The following ATP2A2 variants were observed in gnomAD, a reference collection of about 807,000 sequenced individuals.
The protein encoded by ATP2A2 is sarcoplasmic/endoplasmic reticulum calcium ATPase 2.
A neutral mutation model predicts 109.3 loss-of-function variants in ATP2A2; 14 were observed. That is an observed-to-expected ratio of 0.13 (90% CI 0.08 to 0.20). The LOEUF is 0.20. Among genes scored for constraint, ATP2A2 ranks in the 10% least tolerant of loss-of-function variants. The pLI, the probability that ATP2A2 is intolerant of heterozygous loss-of-function variation, is 1.00. For synonymous variants in ATP2A2, 506 were observed against 490.9 expected, an observed-to-expected ratio of 1.03 and a Z score of -0.41; for missense variants, 657 against 1,321.6, an observed-to-expected ratio of 0.50 and a Z score of 7.80.
Position 110,340,560 on chromosome 12 carries a change from A to T in ATP2A2, c.1762-99A>T. The T allele has an allele frequency of 2.2e-6, 3 of 1,349,352 alleles. No individual in the cohort carries two copies. The Admixed American group carries it at 6.3e-5, about 29-fold the overall frequency. 83.6% of individuals were successfully genotyped at this position (1,349,352 alleles called of 1,614,324 possible). A position where few individuals can be genotyped will look rare whatever the true frequency, so the allele number is the denominator to read the frequency against. ...CCTCAAAAAAAAAAAAAGAAAAAAA[A>T]TGCAGAAACCTGTCTCAATGTTTAA... is the stretch of plus-strand genomic sequence containing the variant. On this transcript the variant is annotated intron_variant, in intron 13 of 19. Transcript: ENST00000539276. This position sits in a 1 kb window ranked among gnomAD's most constrained non-coding sequence, Gnocchi z 6.0.
chr12:110,285,201 A>G (rs894037530), intron 3 of ATP2A2, among the ~76,000 whole-genome samples: 4 of 152,250 alleles, frequency 2.6e-5, no homozygotes, highest in African/African-American at 7.2e-5. Flanking sequence ...ATAGGAAGCT[A>G]TGCTTGTGAC....
chr12:110,329,727 A>G (rs549706183), intron 8 of ATP2A2: 1 of 152,250 alleles, frequency 6.6e-6, no homozygotes, highest in Non-Finnish European at 1.5e-5. Flanking sequence ...CGGCCATCCT[A>G]TATTTTTTGA....
intron 3 of ATP2A2, among the ~76,000 whole-genome samples, chr12:110,286,716 CTT>C (rs146752782): frequency 0.054 from 7,982 of 148,640 alleles, 283 homozygotes; most frequent in Non-Finnish European, 0.078. Flanking sequence ...AAAAAAAAAA[CTT>C]GATGTAAATT....
At chr12:110,288,226 T>C (rs1015329998) in intron 3 of ATP2A2, among the ~76,000 whole-genome samples, 1 of 149,738 alleles carries the variant, frequency 6.7e-6, no homozygotes, top group African/African-American at 2.5e-5. Context: ...TCTTCCCGAG[T>C]AGTCAGGACT....
At chr12:110,332,184 A>C in intron 8 of ATP2A2, 1 of 282,782 alleles carries the variant, frequency 3.5e-6, no homozygotes, top group East Asian at 8.8e-5. Flanking sequence ...GGACTACCTA[A>C]TACCACTCTC....
chr12:110,289,009 G>T (rs760160406), intron 3 of ATP2A2, among the ~76,000 whole-genome samples: 1 of 152,166 alleles, frequency 6.6e-6, no homozygotes, highest in Non-Finnish European at 1.5e-5. Flanking sequence ...AGGACTGCCC[G>T]ACATGATCTG....
chr12:110,284,689 A>G (rs1872495422), intron 3 of ATP2A2, among the ~76,000 whole-genome samples: 1 of 152,202 alleles, frequency 6.6e-6, no homozygotes, highest in South Asian at 2.1e-4. Flanking sequence ...GTGGAGCATT[A>G]TAGAGCTATA....
chr12:110,293,379 T>TG (rs1566203445), intron 4 of ATP2A2, among the ~76,000 whole-genome samples: 445 of 123,104 alleles, frequency 3.6e-3, no homozygotes, highest in Admixed American at 5.6e-3. Context: ...TTTTTTTTTT[T>TG]TTTTTTTTTG....
chr12:110,326,952 A>G (rs1357593483), intron 7 of ATP2A2, among the ~76,000 whole-genome samples: 1 of 152,208 alleles, frequency 6.6e-6, no homozygotes, highest in Admixed American at 6.5e-5. Context: ...AATTCTTTGA[A>G]TAGTGAGGAA....
chr12:110,284,494 T>G (rs551289660), intron 3 of ATP2A2, among the ~76,000 whole-genome samples: 59 of 152,334 alleles, frequency 3.9e-4, no homozygotes, highest in African/African-American at 1.4e-3. Flanking sequence ...GGGGTTGCAC[T>G]GGGTCTGTTT....
chr12:110,288,866 G>A (rs771416900), intron 3 of ATP2A2, among the ~76,000 whole-genome samples: 8 of 152,162 alleles, frequency 5.3e-5, no homozygotes, highest in Non-Finnish European at 7.3e-5. Context: ...TTGCGTTTCA[G>A]TAATGTCACT....
At chr12:110,310,473 G>T (rs2137764754) in intron 5 of ATP2A2, among the ~76,000 whole-genome samples, 1 of 152,148 alleles carries the variant, frequency 6.6e-6, no homozygotes, top group Non-Finnish European at 1.5e-5. Context: ...ATGCCGCAGG[G>T]GTTATTTATT....
chr12:110,346,808 G>T lies in ATP2A2; in HGVS notation c.*338G>T. The T allele has an allele frequency of 8.8e-7, 1 of 1,133,622 alleles. No individual in the cohort carries two copies. Among genetic ancestry groups the T allele is most frequent in the Non-Finnish European group, 1.1e-6 (1 of 920,366 alleles). The allele number at this position is 1,133,622 out of a possible 1,614,324, so 70.2% of individuals were successfully genotyped here. ...AGCAGACATTGTCAGCAAATTAATT[G>T]GCAGCAGATTTTAGGAAATGAATGT... On this transcript the variant is annotated 3_prime_UTR_variant, in exon 20 of 20. Coordinates refer to ENST00000539276, the MANE Select transcript of ATP2A2 (RefSeq NM_170665.4).
intron 5 of ATP2A2, among the ~76,000 whole-genome samples, chr12:110,298,982 G>T (rs1377097914): frequency 2.0e-5 from 3 of 151,930 alleles, no homozygotes; most frequent in Non-Finnish European, 4.4e-5. Context: ...TTTTTTTGAT[G>T]AGGGGAAGAC....
intron 18 of ATP2A2, 63 bp downstream of exon 18, chr12:110,345,445 T>G (rs931207406): frequency 2.1e-5 from 34 of 1,603,468 alleles, no homozygotes; most frequent in African/African-American, 2.7e-5. Context: ...CGGGGAATTG[T>G]GTGTAGTCAC....
chr12:110,326,317 G>A (rs573195762), intron 6 of ATP2A2, 73 bp from the exon 7 acceptor site: 115 of 1,339,004 alleles, frequency 8.6e-5, no homozygotes, highest in Middle Eastern at 3.6e-4. Flanking sequence ...TAATGGGTGG[G>A]CATGAATGAG....
intron 16 of ATP2A2, among the ~76,000 whole-genome samples, chr12:110,343,907 G>T (rs1253076548): frequency 6.6e-6 from 1 of 152,026 alleles, no homozygotes; most frequent in Non-Finnish European, 1.5e-5. Context: ...TCATAGATTG[G>T]GAAAGTGAGG....
Position 110,349,306 on chromosome 12 carries a change from A to G in ATP2A2, c.*2836A>G, listed in dbSNP as rs551933548. On this transcript the variant is annotated 3_prime_UTR_variant, in exon 20 of 20. Coordinates refer to ENST00000539276, the MANE Select transcript of ATP2A2 (RefSeq NM_170665.4). ...GAGGCAGCAGCTGCCCAGCCCCGCA[A>G]TGTGCCTGCTGTCAGGCAGCTCTTG... 128 of 985,486 alleles carry G rather than the reference A, an allele frequency of 1.3e-4. 1 individual carries two copies. The highest frequency in any genetic ancestry group is 3.1e-4 in the African/African-American group (18 of 57,352). 61.0% of individuals were successfully genotyped at this position (985,486 alleles called of 1,614,324 possible).
chr12:110,290,331 G>A (rs958354812), intron 3 of ATP2A2, among the ~76,000 whole-genome samples: 4 of 151,974 alleles, frequency 2.6e-5, no homozygotes, highest in East Asian at 3.9e-4. Flanking sequence ...CACTGTTCCC[G>A]GCCTAGAATT....
Sources: allele counts gnomAD v4.1 joint callset (sites outside exome capture counted in the v4.1 genomes callset), GRCh38; gene constraint gnomAD v4.1.1; non-coding constraint Gnocchi (gnomAD v3.1); transcripts MANE v1.5; gene names NCBI Gene and HGNC (gene_info 2026-07-23, HGNC 2026-07-21).